Variants in ZZZ3 observed in about 807,000 individuals in gnomAD.
ZZZ3 encodes ZZ-type zinc finger-containing protein 3.
A neutral mutation model predicts 95.2 loss-of-function variants in ZZZ3; 22 were observed. The ratio of observed to expected loss-of-function variants is 0.23; its 90% CI spans 0.17 to 0.33. ZZZ3 has a LOEUF of 0.33. ZZZ3 is among the 10% of genes least tolerant of loss of function. The probability of loss-of-function intolerance (pLI) is 1.00; values close to 1 mark genes in which losing one functional copy is unlikely to be tolerated. For synonymous variants in ZZZ3, 335 were observed against 358.9 expected (o/e 0.93, Z 0.75); for missense variants, 885 against 1,066.5 (o/e 0.83, Z 2.37).
chr1:77,622,351 T>C (rs1666956473), intron 5 of ZZZ3, among the ~76,000 whole-genome samples: 1 of 78,024 alleles, frequency 1.3e-5, no homozygotes, highest in Non-Finnish European at 2.8e-5. Context: ...AATGATAATG[T>C]AAAACAAATG....
chr1:77,579,433 T>C, intron 10 of ZZZ3, 94 bp downstream of exon 10: 1 of 895,522 alleles, frequency 1.1e-6, no homozygotes, highest in South Asian at 1.5e-5. Context: ...GCTGAAAGTG[T>C]TATGGCAGAT....
chr1:77,673,245 T>C (rs1219792437), intron 1 of ZZZ3, among the ~76,000 whole-genome samples: 1 of 152,152 alleles, frequency 6.6e-6, no homozygotes, highest in East Asian at 1.9e-4. Flanking sequence ...ATGACTTTCC[T>C]TAAAATTAAG....
chr1:77,571,299 A>C (rs1661360850), intron 12 of ZZZ3, among the ~76,000 whole-genome samples: 1 of 152,218 alleles, frequency 6.6e-6, no homozygotes, highest in African/African-American at 2.4e-5. Flanking sequence ...TAAATAAATA[A>C]ATAACCAGTG....
intron 4 of ZZZ3, among the ~76,000 whole-genome samples, 170 bp from the exon 5 acceptor site, chr1:77,633,575 A>G (rs745390935): frequency 3.9e-5 from 6 of 152,220 alleles, no homozygotes; most frequent in Non-Finnish European, 7.3e-5. Context: ...AACGTTTCCA[A>G]TAATGATATA....
At chr1:77,669,457 T>G (rs1223622311) in intron 1 of ZZZ3, among the ~76,000 whole-genome samples, 8 of 147,904 alleles carry the variant, frequency 5.4e-5, no homozygotes, top group Non-Finnish European at 1.1e-4. Flanking sequence ...TTTCTCAGTT[T>G]TTTTTTTTTT....
intron 1 of ZZZ3, among the ~76,000 whole-genome samples, chr1:77,663,937 A>C (rs1671039163): frequency 6.6e-6 from 1 of 151,880 alleles, no homozygotes; most frequent in Non-Finnish European, 1.5e-5. Context: ...TTTAGTAGAG[A>C]CGGGGTTTCA....
intron 5 of ZZZ3, among the ~76,000 whole-genome samples, chr1:77,604,154 G>C (rs1665006172): frequency 6.6e-6 from 1 of 152,228 alleles, no homozygotes; most frequent in Non-Finnish European, 1.5e-5. Context: ...CTCTAGCCTA[G>C]GCTAGAGATA....
chr1:77,589,540 T>C (rs1663459216), intron 5 of ZZZ3, among the ~76,000 whole-genome samples: 1 of 152,050 alleles, frequency 6.6e-6, no homozygotes. Flanking sequence ...TGGGCTAAAG[T>C]GATCCTCTCG....
At chr1:77,591,201 A>G (rs1017940699) in intron 5 of ZZZ3, among the ~76,000 whole-genome samples, 1 of 152,232 alleles carries the variant, frequency 6.6e-6, no homozygotes, top group Non-Finnish European at 1.5e-5. Flanking sequence ...ATTTAGTGAA[A>G]TAAGAGCTGT....
At position 77,632,881 on chromosome 1, in the gene ZZZ3, T is replaced by G; in HGVS notation, c.474A>C (p.Gln158His). The G allele has an allele frequency of 6.2e-7, 1 of 1,614,210 alleles. No homozygotes were observed. Among genetic ancestry groups the G allele is most frequent in the South Asian group, 1.1e-5 (1 of 91,078 alleles). Residue 158 changes from glutamine (Q) to histidine (H), a missense_variant, in exon 5 of 15, where the codon CAA (glutamine) becomes CAC (histidine). By Grantham distance (24) the Gln-to-His change is conservative. This residue lies in a region of ZZZ3 where 556 missense variants were observed against 652.9 expected (regional missense o/e 0.85). Transcript: ENST00000370801. Reference sequence around the variant, plus strand: ...GACATCGACAAGCTCGTTTAGTCCCTTGAAAATCTGCATCATTGTCCACTA... The same window carrying G: ...GACATCGACAAGCTCGTTTAGTCCCGTGAAAATCTGCATCATTGTCCACTA... ...STVVDNDADFQGTKRACRCLI... is the reference protein window; with the variant it reads ...STVVDNDADFHGTKRACRCLI...
chr1:77,658,192 A>C (rs1031440114), intron 1 of ZZZ3, among the ~76,000 whole-genome samples: 5 of 151,672 alleles, frequency 3.3e-5, no homozygotes, highest in East Asian at 1.9e-4. Context: ...AAAAAAAAAA[A>C]AAAAAAAAAA....
intron 5 of ZZZ3, 139 bp from the exon 6 acceptor site, chr1:77,584,794 T>G (rs1662924975): frequency 3.8e-6 from 2 of 522,280 alleles, no homozygotes; most frequent in Non-Finnish European, 6.1e-6. Flanking sequence ...AACATATTAC[T>G]GGGAATAAAT....
At chr1:77,569,146 A>G (rs1403002650) in intron 12 of ZZZ3, among the ~76,000 whole-genome samples, 1 of 152,164 alleles carries the variant, frequency 6.6e-6, no homozygotes, top group African/African-American at 2.4e-5. Flanking sequence ...AGACCAGCCT[A>G]GCCAACATGG....
At chr1:77,644,600 T>A (rs538889769) in intron 1 of ZZZ3, among the ~76,000 whole-genome samples, 1 of 152,346 alleles carries the variant, frequency 6.6e-6, no homozygotes, top group South Asian at 2.1e-4. Context: ...TGATTCTCTG[T>A]CATCAATAAT....
chr1:77,629,999 G>GTA, intron 5 of ZZZ3, among the ~76,000 whole-genome samples: 1 of 151,834 alleles, frequency 6.6e-6, no homozygotes, highest in Middle Eastern at 3.4e-3. Flanking sequence ...AAGTAATACT[G>GTA]TAGTGAATTA....
intron 1 of ZZZ3, among the ~76,000 whole-genome samples, chr1:77,645,876 CAGA>C (rs1557758617): frequency 6.7e-6 from 1 of 149,974 alleles, no homozygotes; most frequent in Non-Finnish European, 1.5e-5. Context: ...GAGGCTGAGG[CAGA>C]AGAATTGCTT....
intron 4 of ZZZ3, among the ~76,000 whole-genome samples, chr1:77,633,768 C>T (rs1668042840): frequency 6.6e-6 from 1 of 152,178 alleles, no homozygotes; most frequent in Non-Finnish European, 1.5e-5. Context: ...TAGTAAGTAG[C>T]AAGGCAGGGC....
At chr1:77,649,240 C>A (rs1669577712) in intron 1 of ZZZ3, among the ~76,000 whole-genome samples, 1 of 151,448 alleles carries the variant, frequency 6.6e-6, no homozygotes, top group Non-Finnish European at 1.5e-5. Context: ...TAAAGAATAT[C>A]TTAAAAGCAG....
At chr1:77,625,038 G>C (rs373453009) in intron 5 of ZZZ3, among the ~76,000 whole-genome samples, 10 of 152,314 alleles carry the variant, frequency 6.6e-5, no homozygotes, top group African/African-American at 2.2e-4. Flanking sequence ...GGTGTCAGAA[G>C]TGAAGTACTG....
Sources: allele counts gnomAD v4.1 joint callset (sites outside exome capture counted in the v4.1 genomes callset), GRCh38; gene constraint gnomAD v4.1.1; regional missense constraint gnomAD v4.1.1; transcripts MANE v1.5; gene names NCBI Gene and HGNC (gene_info 2026-07-23, HGNC 2026-07-21).